Variants in WNT3 observed in about 807,000 individuals in gnomAD.
WNT3 encodes the protein proto-oncogene Wnt-3.
In WNT3, 7 loss-of-function variants were observed where a neutral mutation model predicts 34.2. That is an observed-to-expected ratio of 0.20 (90% CI 0.12 to 0.38). The LOEUF (loss-of-function observed/expected upper bound fraction) is 0.38. Among genes scored for constraint, WNT3 ranks in the 10% least tolerant of loss-of-function variants. WNT3 has a pLI of 1.00. For synonymous variants in WNT3, 212 were observed against 211.5 expected (o/e 1.00, Z -0.02); for missense variants, 267 against 499.8 (o/e 0.53, Z 4.44).
intron 1 of WNT3, among the ~76,000 whole-genome samples, chr17:46,792,282 T>C (rs1187979766): frequency 6.6e-6 from 1 of 152,084 alleles, no homozygotes; most frequent in Non-Finnish European, 1.5e-5. Flanking sequence ...GAGCACCTTT[T>C]TGGGGACACT....
chr17:46,801,263 T>C (rs1166471271), intron 1 of WNT3, among the ~76,000 whole-genome samples: 2 of 152,194 alleles, frequency 1.3e-5, no homozygotes, highest in African/African-American at 4.8e-5. Context: ...GGGGCCAGGC[T>C]GAGGAGTATA....
At chr17:46,775,774 C>T (rs930654164) in intron 1 of WNT3, among the ~76,000 whole-genome samples, 17 of 151,818 alleles carry the variant, frequency 1.1e-4, no homozygotes, top group African/African-American at 3.1e-4. Flanking sequence ...CCACCACGCC[C>T]GGCTAATTTT....
chr17:46,789,291 C>T (rs1249119671), intron 1 of WNT3, among the ~76,000 whole-genome samples: 8 of 152,188 alleles, frequency 5.3e-5, no homozygotes, highest in African/African-American at 1.9e-4. Context: ...TTATTCTATG[C>T]TCTTCAGAAA....
At chr17:46,777,711 G>C (rs1466496258) in intron 1 of WNT3, among the ~76,000 whole-genome samples, 1 of 152,212 alleles carries the variant, frequency 6.6e-6, no homozygotes, top group African/African-American at 2.4e-5. Context: ...TGGGAGGTGG[G>C]CATTGTTATC....
intron 1 of WNT3, among the ~76,000 whole-genome samples, chr17:46,812,232 ACCCT>A (rs2084285823): frequency 6.6e-6 from 1 of 152,088 alleles, no homozygotes; most frequent in Non-Finnish European, 1.5e-5. Context: ...ATAAAGAAGG[ACCCT>A]GCTTAGAGCC....
At chr17:46,797,478 C>G (rs2084069647) in intron 1 of WNT3, among the ~76,000 whole-genome samples, 2 of 152,198 alleles carry the variant, frequency 1.3e-5, no homozygotes, top group South Asian at 4.1e-4. Context: ...GCAGTGGAGT[C>G]CTCAGGAGTG....
At chr17:46,774,051 C>T in intron 1 of WNT3, 142 bp from the exon 2 acceptor site, 1 of 1,254,946 alleles carries the variant, frequency 8.0e-7, no homozygotes, top group Non-Finnish European at 1.1e-6. Context: ...CTACCTTTGA[C>T]CTCGGGAGCA....
intron 1 of WNT3, among the ~76,000 whole-genome samples, chr17:46,775,230 C>T (rs1232441217): frequency 6.6e-6 from 1 of 152,240 alleles, no homozygotes; most frequent in African/African-American, 2.4e-5. Flanking sequence ...TCACTATCTC[C>T]TGGACTAGGA....
Position 46,764,379 on chromosome 17 carries a change from TA to T in WNT3, c.*250del, listed in dbSNP as rs1217482753. On this transcript the variant is annotated 3_prime_UTR_variant, in exon 5 of 5. Coordinates refer to ENST00000225512, the MANE Select transcript of WNT3 (RefSeq NM_030753.5). ...CTGTTCCTATCAGACCCTAGAGAACTAAAAAGAAAGCCCCCTTCTTTAAAAA... is the reference window on the plus strand; with the variant it reads ...CTGTTCCTATCAGACCCTAGAGAACTAAAAGAAAGCCCCCTTCTTTAAAAA... 1 of 152,584 alleles carries T rather than the reference TA, an allele frequency of 6.6e-6. No individual in the cohort carries two copies. Among genetic ancestry groups the T allele is most frequent in the Non-Finnish European group, 1.5e-5 (1 of 68,044 alleles). The allele number at this position is 152,584 out of a possible 1,614,324, so 9.5% of individuals were successfully genotyped here. A position where few individuals can be genotyped will look rare whatever the true frequency, so the allele number is the denominator to read the frequency against.
At chr17:46,782,655 C>T (rs70600) in intron 1 of WNT3, among the ~76,000 whole-genome samples, 20,489 of 152,274 alleles carry the variant, frequency 0.13, 1,887 homozygotes, top group Non-Finnish European at 0.2. Flanking sequence ...CATGTGTGCA[C>T]ACCGTGGGGC....
chr17:46,804,520 A>T (rs1372338220), intron 1 of WNT3, among the ~76,000 whole-genome samples: 5 of 152,248 alleles, frequency 3.3e-5, no homozygotes, highest in African/African-American at 9.6e-5. Flanking sequence ...CCTCTAAATC[A>T]GAGAGCTGAT....
chr17:46,771,901 C>T (rs537236665), intron 2 of WNT3, among the ~76,000 whole-genome samples: 1 of 145,530 alleles, frequency 6.9e-6, no homozygotes, highest in East Asian at 2.0e-4. Context: ...CCTGCCCCCG[C>T]CCCCGCCTGG....
At chr17:46,807,881 A>G (rs1198745862) in intron 1 of WNT3, among the ~76,000 whole-genome samples, 2 of 152,228 alleles carry the variant, frequency 1.3e-5, no homozygotes, top group Non-Finnish European at 2.9e-5. Context: ...AGCATGCTTT[A>G]TCAGAAAGGA....
chr17:46,778,440 C>G (rs941400427), intron 1 of WNT3, among the ~76,000 whole-genome samples: 3 of 152,168 alleles, frequency 2.0e-5, no homozygotes, highest in Non-Finnish European at 1.5e-5. Flanking sequence ...GGGCTTAGCT[C>G]CTGGGCCAGT....
In WNT3 at chr17:46,811,726, G is replaced by A. The variant is rs544944852; in HGVS notation, c.80+6792C>T. Among the ~76,000 whole-genome samples the A allele has an allele frequency of 8.5e-5, 13 of 152,294 alleles. No homozygotes were observed. The South Asian group carries it at 2.3e-3, about 27-fold the overall frequency. On this transcript the variant is annotated intron_variant, in intron 1 of 4. Coordinates refer to ENST00000225512, the MANE Select transcript of WNT3 (RefSeq NM_030753.5). The stretch of plus-strand genomic sequence containing the variant: ...TCCCAGCACTTTGGGAGGCCGAGGC[G>A]GGTGGATTACCTGAGGTCGGGAGTT...
intron 1 of WNT3, among the ~76,000 whole-genome samples, chr17:46,783,404 C>T (rs2059478400): frequency 6.6e-6 from 1 of 152,202 alleles, no homozygotes; most frequent in Admixed American, 6.5e-5. Context: ...TCAACACGCA[C>T]GAATTGAGTG....
intron 1 of WNT3, among the ~76,000 whole-genome samples, chr17:46,775,682 C>T (rs189464383): frequency 2.7e-5 from 4 of 145,570 alleles, no homozygotes; most frequent in East Asian, 2.0e-4. Context: ...GACGTGATCT[C>T]GGCTCACTGC....
chr17:46,765,990 T>A (rs1006174596), intron 4 of WNT3, among the ~76,000 whole-genome samples: 5 of 151,664 alleles, frequency 3.3e-5, no homozygotes, highest in African/African-American at 1.2e-4. Context: ...AGAGAAGGGG[T>A]TCCGGGTAGG....
chr17:46,765,642 C>T (rs993858267), intron 4 of WNT3, among the ~76,000 whole-genome samples: 1 of 152,254 alleles, frequency 6.6e-6, no homozygotes. Flanking sequence ...CGCAGGCTCC[C>T]GTCTTGCCTA....
Sources: allele counts gnomAD v4.1 joint callset (sites outside exome capture counted in the v4.1 genomes callset), GRCh38; gene constraint gnomAD v4.1.1; transcripts MANE v1.5; gene names NCBI Gene and HGNC (gene_info 2026-07-23, HGNC 2026-07-21).